The following POLR2B variants were observed in gnomAD, a reference collection of about 807,000 sequenced individuals.
POLR2B encodes DNA-directed RNA polymerase II subunit RPB2.
A neutral mutation model predicts 144.6 loss-of-function variants in POLR2B; 57 were observed. The ratio of observed to expected loss-of-function variants is 0.39; its 90% CI spans 0.32 to 0.49. The LOEUF is 0.49. POLR2B is among the 20% of genes least tolerant of loss of function. The pLI is 0.83. For synonymous variants in POLR2B, 442 were observed against 469.8 expected (o/e 0.94, Z 0.77); for missense variants, 595 against 1,467.4 (o/e 0.41, Z 9.71).
chr4:57,003,588 C>T (rs982408279), intron 7 of POLR2B, among the ~76,000 whole-genome samples: 4 of 152,236 alleles, frequency 2.6e-5, no homozygotes, highest in Middle Eastern at 6.8e-3. Flanking sequence ...TGCAGTGGCT[C>T]ATGCCTGTAA....
intron 23 of POLR2B, 139 bp from the exon 24 acceptor site, chr4:57,030,065 A>G (rs1158870691): frequency 2.8e-6 from 2 of 710,222 alleles, no homozygotes; most frequent in African/African-American, 3.6e-5. Flanking sequence ...TCTCCCCACC[A>G]ATAGAGAGAA....
At chr4:56,995,084 A>C (rs959374749) in intron 5 of POLR2B, among the ~76,000 whole-genome samples, 167 bp from the exon 6 acceptor site, 2 of 152,182 alleles carry the variant, frequency 1.3e-5, no homozygotes, top group Admixed American at 6.5e-5. Flanking sequence ...TTTGGAGTTT[A>C]TGTATTTCTA....
chr4:57,022,050 A>G, intron 17 of POLR2B, 102 bp from the exon 18 acceptor site: 1 of 662,714 alleles, frequency 1.5e-6, no homozygotes, highest in South Asian at 2.0e-5. Context: ...TTCGTAGTTT[A>G]AATTGTCTCC....
At chr4:57,001,917 C>T (rs984086543) in intron 7 of POLR2B, among the ~76,000 whole-genome samples, 1 of 152,282 alleles carries the variant, frequency 6.6e-6, no homozygotes, top group Non-Finnish European at 1.5e-5. Context: ...AAATCTTTGT[C>T]ACAAAGTTAG....
At position 57,022,197 on chromosome 4, in the gene POLR2B, A is replaced by G. The variant is rs749069358; in HGVS notation, c.2466A>G (p.Gly822=). The G allele has an allele frequency of 1.2e-6, 2 of 1,612,954 alleles. No individual in the cohort carries two copies. The highest frequency in any genetic ancestry group is 1.7e-6 in the Non-Finnish European group (2 of 1,179,036). ...ACAAAGAACAGGAGTCTAAAAAAGG[A>G]TTTGATCAAGAAGAAGTTTTTGAGA... ...RSYKEQESKK[G]FDQEEVFEKP... Residue 822 remains glycine, a synonymous_variant, in exon 18 of 25, where the codon GGA becomes GGG. Transcript: ENST00000314595.
chr4:57,000,097 C>G (rs1238861266), intron 7 of POLR2B, among the ~76,000 whole-genome samples: 1 of 152,180 alleles, frequency 6.6e-6, no homozygotes, highest in Non-Finnish European at 1.5e-5. Context: ...TAGTTGATAC[C>G]TGTTGTTTAA....
intron 18 of POLR2B, among the ~76,000 whole-genome samples, chr4:57,022,983 A>C (rs1723599783): frequency 6.6e-6 from 1 of 152,136 alleles, no homozygotes; most frequent in African/African-American, 2.4e-5. Flanking sequence ...AATTTAAAAA[A>C]ATTTTTCTCC....
chr4:57,006,754 C>A, intron 9 of POLR2B, 62 bp from the exon 10 acceptor site: 1 of 1,309,566 alleles, frequency 7.6e-7, no homozygotes, highest in Non-Finnish European at 1.1e-6. Context: ...CAATATTCCT[C>A]CTGTTGAGAA....
rs752207344 is a variant in POLR2B at position 56,994,627 on chromosome 4, A to G, written c.357-20A>G. The G allele has an allele frequency of 1.3e-6, 2 of 1,539,916 alleles. No individual in the cohort carries two copies. The highest frequency in any genetic ancestry group is 1.1e-5 in the South Asian group (1 of 89,612). On this transcript the variant is annotated intron_variant, in intron 4 of 24. Coordinates refer to ENST00000314595, the MANE Select transcript of POLR2B (RefSeq NM_000938.3). ...ACAGATACCCTATTGCTTAACTGTG[A>G]TCTACTTTTATTTTCAAAGGTATTC...
At chr4:56,982,963 A>G (rs1383747258) in intron 1 of POLR2B, among the ~76,000 whole-genome samples, 1 of 152,076 alleles carries the variant, frequency 6.6e-6, no homozygotes, top group Non-Finnish European at 1.5e-5. Context: ...TGTCTCCTAA[A>G]TATGTCAAAT....
intron 10 of POLR2B, among the ~76,000 whole-genome samples, 164 bp downstream of exon 10, chr4:57,007,166 T>G (rs1723044656): frequency 6.6e-6 from 1 of 152,188 alleles, no homozygotes; most frequent in Admixed American, 6.5e-5. Flanking sequence ...CCCAGCACTT[T>G]GGGAGGCCGA....
chr4:57,015,854 G>A (rs1317665651), intron 14 of POLR2B, among the ~76,000 whole-genome samples, 198 bp downstream of exon 14: 3 of 152,054 alleles, frequency 2.0e-5, no homozygotes, highest in East Asian at 3.9e-4. Flanking sequence ...CACCTCCTGG[G>A]TTCAAGCAAT....
chr4:57,014,365 T>C (rs544286442), intron 13 of POLR2B, among the ~76,000 whole-genome samples: 119 of 152,052 alleles, frequency 7.8e-4, no homozygotes, highest in African/African-American at 2.7e-3. Context: ...AGATAATTTT[T>C]GTATTTTTAG....
chr4:57,015,711 A>AG, intron 14 of POLR2B, 55 bp downstream of exon 14: 1 of 729,454 alleles, frequency 1.4e-6, no homozygotes, highest in Non-Finnish European at 2.1e-6. Context: ...TAGAATTTAC[A>AG]TACTGTAAAA....
Position 57,005,625 on chromosome 4 carries a change from G to T in POLR2B, c.1123G>T (p.Ala375Ser). The T allele has an allele frequency of 6.2e-7, 1 of 1,605,652 alleles. No homozygotes were observed. Among genetic ancestry groups the T allele is most frequent in the Non-Finnish European group, 8.5e-7 (1 of 1,176,044 alleles). ...ATACATGGTTCATAGGTTACTTCTGGCAGCTTTGGGTAGAAGAGAACTAGA... is the reference window on the plus strand; with the variant it reads ...ATACATGGTTCATAGGTTACTTCTGTCAGCTTTGGGTAGAAGAGAACTAGA... ...LGYMVHRLLLAALGRRELDDR... is the reference protein window; with the variant it reads ...LGYMVHRLLLSALGRRELDDR... Residue 375 changes from alanine to serine, a missense_variant, in exon 9 of 25, where the codon GCA (alanine) becomes TCA (serine). Around this residue, in one of 9 missense-constraint regions of POLR2B, gnomAD observed 251 missense variants for 567.3 expected, o/e 0.44. Coordinates refer to ENST00000314595, the MANE Select transcript of POLR2B (RefSeq NM_000938.3).
At chr4:56,992,558 C>CTGT (rs1199885316) in intron 3 of POLR2B, among the ~76,000 whole-genome samples, 1 of 109,632 alleles carries the variant, frequency 9.1e-6, no homozygotes, top group African/African-American at 3.4e-5. Flanking sequence ...TTTGGCTTAT[C>CTGT]TATTTTTTTT....
At chr4:56,986,522 T>C in intron 2 of POLR2B, 96 bp downstream of exon 2, 1 of 679,098 alleles carries the variant, frequency 1.5e-6, no homozygotes, top group Non-Finnish European at 2.6e-6. Context: ...ATATGCTACA[T>C]GAGAGTAGTT....
chr4:57,014,965 A>G (rs1207336075), intron 13 of POLR2B, among the ~76,000 whole-genome samples: 1 of 152,104 alleles, frequency 6.6e-6, no homozygotes, highest in Non-Finnish European at 1.5e-5. Context: ...ATCTCAGTTC[A>G]GAATCGCCAC....
At chr4:57,014,497 T>TAATAGCAGA (rs1160833347) in intron 13 of POLR2B, among the ~76,000 whole-genome samples, 1 of 147,318 alleles carries the variant, frequency 6.8e-6, no homozygotes, top group Admixed American at 6.8e-5. Flanking sequence ...GCCTGGTCTT[T>TAATAGCAGA]TTTTTTCTTT....
Sources: allele counts gnomAD v4.1 joint callset (sites outside exome capture counted in the v4.1 genomes callset), GRCh38; gene constraint gnomAD v4.1.1; regional missense constraint gnomAD v4.1.1; transcripts MANE v1.5; gene names NCBI Gene and HGNC (gene_info 2026-07-23, HGNC 2026-07-21).